INPP4B: variants seen among roughly 807,000 people sequenced by gnomAD.
INPP4B encodes the protein inositol polyphosphate-4-phosphatase type II B.
Under a neutral mutation model 122.5 loss-of-function variants are expected in INPP4B, and 55 were observed. That is an observed-to-expected ratio of 0.45 (90% CI 0.36 to 0.56). The LOEUF is 0.56. Ranked by LOEUF, INPP4B falls within the 20% of genes least tolerant of loss-of-function variation. INPP4B has a pLI of 0.00. For synonymous variants in INPP4B, 403 were observed against 388.7 expected, an observed-to-expected ratio of 1.04 and a Z score of -0.43; for missense variants, 1,000 against 1,097.7, an observed-to-expected ratio of 0.91 and a Z score of 1.26.
At chr4:142,523,172 C>T (rs1826327951) in intron 2 of INPP4B, among the ~76,000 whole-genome samples, 1 of 152,108 alleles carries the variant, frequency 6.6e-6, no homozygotes, top group Non-Finnish European at 1.5e-5. Flanking sequence ...ACAACAATTA[C>T]TGAAAATTTA....
chr4:142,810,008 A>G (rs1779306649), intron 1 of INPP4B, among the ~76,000 whole-genome samples: 1 of 151,904 alleles, frequency 6.6e-6, no homozygotes, highest in South Asian at 2.1e-4. Flanking sequence ...TGTCTGTACT[A>G]AAAATACAAA....
intron 10 of INPP4B, among the ~76,000 whole-genome samples, chr4:142,265,174 T>C (rs1742166841): frequency 6.6e-6 from 1 of 152,182 alleles, no homozygotes; most frequent in Non-Finnish European, 1.5e-5. Flanking sequence ...TCCTGTTGTT[T>C]AAGCCATACA....
At chr4:142,218,371 C>T (rs1402541705) in intron 12 of INPP4B, among the ~76,000 whole-genome samples, 1 of 152,114 alleles carries the variant, frequency 6.6e-6, no homozygotes, top group African/African-American at 2.4e-5. Context: ...TGTGTGCAAG[C>T]ACCTATGATA....
intron 18 of INPP4B, among the ~76,000 whole-genome samples, chr4:142,129,235 G>C (rs374017008): frequency 2.0e-5 from 3 of 152,230 alleles, no homozygotes; most frequent in Admixed American, 2.0e-4. Context: ...ACAGCCAGTA[G>C]GGGTTTTCAT....
At chr4:142,335,108 G>GAAAAAAAA (rs36074851) in intron 7 of INPP4B, among the ~76,000 whole-genome samples, 1,621 of 62,980 alleles carry the variant, frequency 0.026, 2 homozygotes, top group East Asian at 0.032. Flanking sequence ...TGGGAAAAAT[G>GAAAAAAAA]AAAAAAAAAA....
At chr4:142,181,723 T>C (rs1255658490) in intron 15 of INPP4B, among the ~76,000 whole-genome samples, 1 of 152,220 alleles carries the variant, frequency 6.6e-6, no homozygotes, top group East Asian at 1.9e-4. Flanking sequence ...ACTTCTTTTA[T>C]TTTTATTGTG....
At chr4:142,335,788 T>C (rs1776362834) in intron 7 of INPP4B, among the ~76,000 whole-genome samples, 1 of 152,220 alleles carries the variant, frequency 6.6e-6, no homozygotes, top group Non-Finnish European at 1.5e-5. Context: ...TAGAGTTTAA[T>C]GAATAAACAC....
At chr4:142,348,102 C>T (rs1780836827) in intron 7 of INPP4B, among the ~76,000 whole-genome samples, 1 of 152,046 alleles carries the variant, frequency 6.6e-6, no homozygotes, top group East Asian at 1.9e-4. Context: ...AAACTATAAG[C>T]TCCATCTTGC....
rs1054824398 is a variant in INPP4B, at chr4:142,268,182, G to A, written c.615+2481C>T. Among the ~76,000 whole-genome samples, 4 of 151,216 alleles carry A rather than the reference G, an allele frequency of 2.6e-5. No individual in the cohort carries two copies. The East Asian group carries it at 7.8e-4, about 30-fold the overall frequency. ...ACTAAAGATACAAAAAATTAGCCGG[G>A]CATGGTGGCGGGTCCCTGTAGTCCC... On this transcript the variant is annotated intron_variant, in intron 10 of 25. Coordinates refer to ENST00000262992, the MANE Select transcript of INPP4B (RefSeq NM_001101669.3).
chr4:142,606,036 A>C (rs1387178993), intron 2 of INPP4B, among the ~76,000 whole-genome samples: 1 of 152,080 alleles, frequency 6.6e-6, no homozygotes, highest in Non-Finnish European at 1.5e-5. Flanking sequence ...AATGTGGTAT[A>C]CATATGCAAT....
intron 1 of INPP4B, among the ~76,000 whole-genome samples, chr4:142,726,652 G>A (rs1447588641): frequency 2.6e-5 from 4 of 152,104 alleles, no homozygotes; most frequent in Non-Finnish European, 4.4e-5. Flanking sequence ...TACATACATA[G>A]GTAAGAATTT....
intron 2 of INPP4B, among the ~76,000 whole-genome samples, chr4:142,718,591 T>TAGCA (rs1178769313): frequency 6.6e-6 from 1 of 152,174 alleles, no homozygotes; most frequent in African/African-American, 2.4e-5. Flanking sequence ...TGTTCATGAA[T>TAGCA]AGCACTTTCT....
At chr4:142,103,806 CACACACACACAT>C (rs1316680653) in intron 23 of INPP4B, among the ~76,000 whole-genome samples, 7 of 143,454 alleles carry the variant, frequency 4.9e-5, no homozygotes, top group South Asian at 2.1e-4. Flanking sequence ...TGTTCATAAA[CACACACACACAT>C]ACACACACAC....
chr4:142,562,160 T>G (rs146274220), intron 2 of INPP4B, among the ~76,000 whole-genome samples: 1 of 152,288 alleles, frequency 6.6e-6, no homozygotes, highest in South Asian at 2.1e-4. Flanking sequence ...CACTACATCA[T>G]TTTGCTTTAA....
chr4:142,740,323 C>T (rs1044606377), intron 1 of INPP4B, among the ~76,000 whole-genome samples: 1 of 152,036 alleles, frequency 6.6e-6, no homozygotes, highest in Non-Finnish European at 1.5e-5. Flanking sequence ...AAAATAAAAA[C>T]TACATTGTGC....
intron 18 of INPP4B, among the ~76,000 whole-genome samples, chr4:142,144,057 T>C (rs1809311909): frequency 6.6e-6 from 1 of 152,066 alleles, no homozygotes; most frequent in Non-Finnish European, 1.5e-5. Context: ...CTGTGAATTC[T>C]ACTTCTGCAG....
intron 14 of INPP4B, among the ~76,000 whole-genome samples, chr4:142,198,305 T>C (rs1839205833): frequency 6.6e-6 from 1 of 152,042 alleles, no homozygotes; most frequent in Admixed American, 6.5e-5. Context: ...ATTGATGTAA[T>C]TCTTATTTAT....
At chr4:142,520,820 T>C (rs1252347719) in intron 2 of INPP4B, among the ~76,000 whole-genome samples, 2 of 151,974 alleles carry the variant, frequency 1.3e-5, no homozygotes, top group African/African-American at 4.8e-5. Context: ...AATAAATGAA[T>C]GAATAAATGA....
chr4:142,323,839 C>A (rs984829841), intron 7 of INPP4B, among the ~76,000 whole-genome samples: 4 of 151,456 alleles, frequency 2.6e-5, no homozygotes, highest in African/African-American at 9.7e-5. Context: ...AGGCAAATGG[C>A]AGGTAAGGTG....
Sources: gnomAD v4.1 joint callset for allele counts (sites outside exome capture counted in the v4.1 genomes callset) on GRCh38, gnomAD v4.1.1 for gene constraint, MANE v1.5 for transcripts, NCBI Gene and HGNC (gene_info 2026-07-23, HGNC 2026-07-21) for gene names.